Variants in FHOD3 observed in about 807,000 individuals in gnomAD.
The protein encoded by FHOD3 is formin homology 2 domain containing 3, also known as FH1/FH2 domain-containing protein 3.
FHOD3 carries 90 observed loss-of-function variants against 173.0 expected under a neutral mutation model. The observed-to-expected ratio is 0.52, with a 90% CI of 0.44 to 0.62. The LOEUF (loss-of-function observed/expected upper bound fraction) is 0.62, where lower values mean the gene tolerates loss of function less well. Ranked by LOEUF, FHOD3 falls within the 20% of genes least tolerant of loss-of-function variation. The pLI, the probability that FHOD3 is intolerant of heterozygous loss-of-function variation, is 0.00. For synonymous variants in FHOD3, 828 were observed against 823.0 expected (o/e 1.01, Z -0.10); for missense variants, 1,945 against 2,034.7 (o/e 0.96, Z 0.85).
chr18:36,623,098 A>G (rs1488602605), intron 9 of FHOD3, among the ~76,000 whole-genome samples: 3 of 152,214 alleles, frequency 2.0e-5, no homozygotes, highest in Non-Finnish European at 2.9e-5. Context: ...ATGCCATGTT[A>G]TGGTGTTGCC....
At chr18:36,743,350 A>G (rs1473096460) in intron 22 of FHOD3, among the ~76,000 whole-genome samples, 1 of 142,816 alleles carries the variant, frequency 7.0e-6, no homozygotes, top group East Asian at 2.2e-4. Context: ...ATCAGGGCCG[A>G]TTTATTTCAA....
chr18:36,526,193 CT>C (rs2056502791), intron 5 of FHOD3, among the ~76,000 whole-genome samples: 1 of 152,236 alleles, frequency 6.6e-6, no homozygotes, highest in African/African-American at 2.4e-5. Flanking sequence ...TTGGCAGTGG[CT>C]TAGCATAGGA....
intron 5 of FHOD3, among the ~76,000 whole-genome samples, chr18:36,554,639 T>TA (rs1159326407): frequency 2.0e-5 from 3 of 151,922 alleles, no homozygotes; most frequent in South Asian, 2.1e-4. Flanking sequence ...ATAATAATAA[T>TA]AAAAAAAAGA....
chr18:36,772,640 G>A (rs762411439), intron 28 of FHOD3, among the ~76,000 whole-genome samples: 6 of 152,202 alleles, frequency 3.9e-5, no homozygotes, highest in African/African-American at 7.2e-5. Flanking sequence ...CACACATGCC[G>A]AACGTCCCAC....
At chr18:36,697,066 A>G (rs2039326063) in intron 17 of FHOD3, among the ~76,000 whole-genome samples, 1 of 152,242 alleles carries the variant, frequency 6.6e-6, no homozygotes, top group Non-Finnish European at 1.5e-5. Flanking sequence ...GAGTTCTTCA[A>G]CATAATTCTT....
At chr18:36,341,546 GAAGTT>G (rs2145480801) in intron 1 of FHOD3, among the ~76,000 whole-genome samples, 1 of 152,318 alleles carries the variant, frequency 6.6e-6, no homozygotes. Context: ...AGGAGGCTGA[GAAGTT>G]AAGCAGAGCT....
At chr18:36,640,826 A>G (rs2035250924) in intron 10 of FHOD3, among the ~76,000 whole-genome samples, 1 of 152,104 alleles carries the variant, frequency 6.6e-6, no homozygotes, top group Non-Finnish European at 1.5e-5. Flanking sequence ...AAGGATTGCC[A>G]AGCACGGTTC....
At chr18:36,328,969 A>G (rs1339571745) in intron 1 of FHOD3, among the ~76,000 whole-genome samples, 1 of 152,210 alleles carries the variant, frequency 6.6e-6, no homozygotes, top group Non-Finnish European at 1.5e-5. Context: ...GGAGCCATAC[A>G]GTGGGGAGTG....
chr18:36,453,867 A>G (rs1011321778), intron 3 of FHOD3, among the ~76,000 whole-genome samples: 4 of 152,180 alleles, frequency 2.6e-5, no homozygotes, highest in African/African-American at 9.7e-5. Flanking sequence ...GGGATTGGAA[A>G]TGTAGGCTCA....
intron 5 of FHOD3, among the ~76,000 whole-genome samples, chr18:36,543,449 G>A (rs1270732504): frequency 6.6e-6 from 1 of 152,098 alleles, no homozygotes; most frequent in African/African-American, 2.4e-5. Context: ...TGATGGCCTG[G>A]TTGGACCATA....
chr18:36,595,537 G>T (rs1487296572), intron 7 of FHOD3, among the ~76,000 whole-genome samples: 3 of 152,042 alleles, frequency 2.0e-5, no homozygotes, highest in African/African-American at 7.3e-5. Context: ...TGCTTTTAAA[G>T]CCCATGTATG....
intron 9 of FHOD3, among the ~76,000 whole-genome samples, chr18:36,621,540 G>C (rs1351434942): frequency 6.6e-6 from 1 of 152,126 alleles, no homozygotes; most frequent in Non-Finnish European, 1.5e-5. Flanking sequence ...GCTGTTGGCT[G>C]GGCCATGTGT....
At chr18:36,472,432 C>G (rs2053335601) in intron 3 of FHOD3, among the ~76,000 whole-genome samples, 1 of 152,174 alleles carries the variant, frequency 6.6e-6, no homozygotes, top group Non-Finnish European at 1.5e-5. Flanking sequence ...CCATAAAATT[C>G]TCCCTTTTAA....
intron 1 of FHOD3, among the ~76,000 whole-genome samples, chr18:36,310,614 G>T (rs558545115): frequency 4.0e-5 from 6 of 151,164 alleles, no homozygotes; most frequent in Non-Finnish European, 8.8e-5. Flanking sequence ...TTGAACCTGG[G>T]AGGTGGAGGT....
intron 5 of FHOD3, among the ~76,000 whole-genome samples, chr18:36,529,778 T>G (rs2056699719): frequency 6.6e-6 from 1 of 151,980 alleles, no homozygotes; most frequent in Non-Finnish European, 1.5e-5. Context: ...CCAGCCTGGG[T>G]GAAAGAGTGA....
In FHOD3 at chr18:36,775,088, C is replaced by T. The variant is rs533060108; in HGVS notation, c.4787-4360C>T. Among the ~76,000 whole-genome samples the T allele has an allele frequency of 5.3e-5, 8 of 152,224 alleles. No individual in the cohort carries two copies. The East Asian group carries it at 9.7e-4, about 18-fold the overall frequency. On this transcript the variant is annotated intron_variant, in intron 28 of 28. Coordinates refer to ENST00000590592, the MANE Select transcript of FHOD3 (RefSeq NM_001281740.3). ...GACGGTGTTGAACAGTGGCCAAGCC[C>T]GGGACCTCCCAGCCACAAGACATGG...
chr18:36,463,844 G>A (rs761280282), intron 3 of FHOD3, among the ~76,000 whole-genome samples: 3 of 152,150 alleles, frequency 2.0e-5, no homozygotes, highest in Non-Finnish European at 2.9e-5. Context: ...TGCTTTCTTC[G>A]TGTTTTTAAG....
At chr18:36,463,013 A>G (rs896931997) in intron 3 of FHOD3, among the ~76,000 whole-genome samples, 2 of 152,172 alleles carry the variant, frequency 1.3e-5, no homozygotes, top group African/African-American at 4.8e-5. Flanking sequence ...AGTAGTTTAA[A>G]GACAAATAGT....
At position 36,608,200 on chromosome 18, in the gene FHOD3, G is replaced by A. The variant is rs2032291929; in HGVS notation, c.814-3752G>A. 2.6e-5 allele frequency among the ~76,000 whole-genome samples: 4 copies of A among 152,188 alleles called. No individual in the cohort carries two copies. The South Asian group carries it at 8.3e-4, about 31-fold the overall frequency. ...GCTATAACAGAATACCACAGGCTGG[G>A]TAATTTATAAAGGAAATAAATTTAT... is the stretch of plus-strand genomic sequence containing the variant. On this transcript the variant is annotated intron_variant, in intron 8 of 28. Coordinates refer to ENST00000590592, the MANE Select transcript of FHOD3 (RefSeq NM_001281740.3).
Sources: allele counts gnomAD v4.1 joint callset (sites outside exome capture counted in the v4.1 genomes callset), GRCh38; gene constraint gnomAD v4.1.1; transcripts MANE v1.5; gene names NCBI Gene and HGNC (gene_info 2026-07-23, HGNC 2026-07-21).